Variants in ZNF345 observed in about 807,000 individuals in gnomAD.
ZNF345 encodes zinc finger protein 345.
For synonymous variants in ZNF345, 166 were observed against 187.9 expected (o/e 0.88, Z 0.95); for missense variants, 527 against 589.9 (o/e 0.89, Z 1.10).
chr19:36,874,027 T>G (rs2072825244), intron 2 of ZNF345, among the ~76,000 whole-genome samples: 1 of 152,206 alleles, frequency 6.6e-6, no homozygotes, highest in Non-Finnish European at 1.5e-5. Context: ...GTATGTTGAT[T>G]GTTAGACTTT....
At position 36,877,549 on chromosome 19, in the gene ZNF345, G is replaced by T. The variant is rs1264828637; in HGVS notation, c.719G>T (p.Ser240Ile). Residue 240 changes from serine to isoleucine, a missense_variant, in exon 3 of 3, where the codon AGC (serine) becomes ATC (isoleucine). Physicochemically the swap from Ser to Ile is moderately radical, Grantham distance 142. Transcript: ENST00000420450. ...TGCAAAGCATGTGGAATGGCCTTTA[G>T]CAGTGGTTCGGCTCTTACTCGGCAT... ...YECKACGMAF[S>I]SGSALTRHQR... 6.2e-7 allele frequency: 1 copy of T among 1,614,048 alleles called. No individual in the cohort carries two copies. The highest frequency in any genetic ancestry group is 8.5e-7 in the Non-Finnish European group (1 of 1,180,036).
intron 2 of ZNF345, among the ~76,000 whole-genome samples, chr19:36,856,978 T>C (rs1342581255): frequency 6.6e-6 from 1 of 152,148 alleles, no homozygotes; most frequent in African/African-American, 2.4e-5. Context: ...CAATTAGATA[T>C]AACTACCATC....
At position 36,877,264 on chromosome 19, in the gene ZNF345, C is replaced by A. The variant is rs996804176; in HGVS notation, c.434C>A (p.Pro145His). Residue 145 changes from proline (P) to histidine (H), a missense_variant, in exon 3 of 3, where the codon CCC becomes CAC. Physicochemically the swap from Pro to His is moderately conservative, Grantham distance 77 (BLOSUM62 -2). Coordinates refer to ENST00000420450, the MANE Select transcript of ZNF345 (RefSeq NM_001242472.2). ...HHQRIHTGEK[P>H]YECKECGKAF... Reference sequence around the variant, plus strand: ...CAGAGAATTCATACTGGTGAGAAACCCTATGAGTGTAAGGAATGTGGGAAA... The same window carrying A: ...CAGAGAATTCATACTGGTGAGAAACACTATGAGTGTAAGGAATGTGGGAAA... 6.2e-7 allele frequency: 1 copy of A among 1,613,856 alleles called. No individual in the cohort carries two copies. The highest frequency in any genetic ancestry group is 8.5e-7 in the Non-Finnish European group (1 of 1,179,934).
chr19:36,866,908 T>C (rs2072672834), intron 2 of ZNF345, among the ~76,000 whole-genome samples: 1 of 152,224 alleles, frequency 6.6e-6, no homozygotes, highest in African/African-American at 2.4e-5. Flanking sequence ...ATAACCTTTA[T>C]GACTATATCA....
intron 3 of ZNF345, chr19:36,891,240 TC>T: frequency 5.1e-6 from 2 of 395,922 alleles, no homozygotes; most frequent in South Asian, 6.9e-5. Flanking sequence ...ATAGAACAGA[TC>T]CTCAGAGTCC....
At chr19:36,874,751 C>T (rs826276) in intron 2 of ZNF345, among the ~76,000 whole-genome samples, 40,382 of 152,074 alleles carry the variant, frequency 0.27, 6,793 homozygotes, top group African/African-American at 0.48. Context: ...TGCACTCCAG[C>T]TTAGGCAACA....
At chr19:36,876,192 C>T (rs750735946) in intron 2 of ZNF345, among the ~76,000 whole-genome samples, 4 of 152,178 alleles carry the variant, frequency 2.6e-5, no homozygotes, top group Admixed American at 2.0e-4. Context: ...ACAGATGAAT[C>T]TTCCCTCTCC....
At chr19:36,863,842 C>T (rs1216733370) in intron 2 of ZNF345, among the ~76,000 whole-genome samples, 1 of 152,164 alleles carries the variant, frequency 6.6e-6, no homozygotes, top group Admixed American at 6.5e-5. Context: ...TATTTAGCTC[C>T]CAAGGCATGT....
chr19:36,873,046 A>G (rs553004259), intron 2 of ZNF345, among the ~76,000 whole-genome samples: 27 of 151,432 alleles, frequency 1.8e-4, no homozygotes, highest in African/African-American at 4.4e-4. Flanking sequence ...ATATTTTCCT[A>G]TTTTCCATTT....
intron 2 of ZNF345, among the ~76,000 whole-genome samples, chr19:36,874,491 C>CT (rs1264748986): frequency 9.1e-6 from 1 of 110,394 alleles, no homozygotes; most frequent in African/African-American, 4.3e-5. Context: ...TGAAACTCCA[C>CT]TAAAAAAAAA....
At chr19:36,867,369 G>A (rs8113447) in intron 2 of ZNF345, among the ~76,000 whole-genome samples, 49,118 of 152,006 alleles carry the variant, frequency 0.32, 9,007 homozygotes, top group East Asian at 0.7. Flanking sequence ...ATTTTAAAGT[G>A]TATAATTCAG....
intron 3 of ZNF345, chr19:36,891,298 G>T (rs1376788141): frequency 5.6e-6 from 3 of 534,412 alleles, no homozygotes; most frequent in African/African-American, 2.0e-5. Flanking sequence ...AGATTTCCAG[G>T]CTCTAAACTA....
chr19:36,892,168 C>T (rs551667090), intron 3 of ZNF345: 25 of 1,614,094 alleles, frequency 1.5e-5, no homozygotes, highest in Non-Finnish European at 1.4e-5. Context: ...GGGTTTTTTA[C>T]CAGTGTGAAT....
rs2072894749 is a variant in ZNF345, at chr19:36,877,030, G to A, written c.200G>A (p.Cys67Tyr). ...TDEKLLECKE[C>Y]GKDFSFVSVL... ...GAGAAACTCCTTGAATGTAAGGAAT[G>A]TGGGAAGGATTTTAGTTTTGTATCA... The change falls in exon 3 of 3, where the codon TGT becomes TAT. Residue 67 changes from cysteine (C) to tyrosine (Y), a missense_variant. Transcript: ENST00000420450. 6.2e-7 allele frequency: 1 copy of A among 1,614,058 alleles called. No individual in the cohort carries two copies. The highest frequency in any genetic ancestry group is 1.3e-5 in the African/African-American group (1 of 74,936).
At position 36,877,405 on chromosome 19, in the gene ZNF345, A is replaced by G. The variant is rs780640386; in HGVS notation, c.575A>G (p.His192Arg). 5 of 1,614,208 alleles carry G rather than the reference A, an allele frequency of 3.1e-6. No individual in the cohort carries two copies. In the South Asian group the frequency reaches 5.5e-5, roughly 18 times the overall value. ...SFSFESALIR[H>R]HRIHTGEKPY... Reference sequence around the variant, plus strand: ...AGTTTTGAATCAGCCCTTATTCGGCATCACAGAATTCACACAGGTGAGAAA... The same window carrying G: ...AGTTTTGAATCAGCCCTTATTCGGCGTCACAGAATTCACACAGGTGAGAAA... Residue 192 changes from histidine to arginine, a missense_variant, in exon 3 of 3, where the codon CAT becomes CGT. By Grantham distance (29) the His-to-Arg change is conservative. Coordinates refer to ENST00000420450, the MANE Select transcript of ZNF345 (RefSeq NM_001242472.2).
At chr19:36,868,932 T>C (rs2072720477) in intron 2 of ZNF345, among the ~76,000 whole-genome samples, 1 of 152,260 alleles carries the variant, frequency 6.6e-6, no homozygotes, top group East Asian at 1.9e-4. Context: ...CAAAGGCCAC[T>C]GAAGTGTTAA....
At chr19:36,887,206 C>CA (rs1052450512) in intron 3 of ZNF345, among the ~76,000 whole-genome samples, 15 of 150,878 alleles carry the variant, frequency 9.9e-5, no homozygotes, top group African/African-American at 2.4e-4. Flanking sequence ...CCAACAACAA[C>CA]AAAAAAAACA....
At chr19:36,864,572 A>G (rs2072619923) in intron 2 of ZNF345, among the ~76,000 whole-genome samples, 1 of 152,032 alleles carries the variant, frequency 6.6e-6, no homozygotes. Flanking sequence ...CTAATGGTAG[A>G]GAGTCCGAGG....
intron 2 of ZNF345, among the ~76,000 whole-genome samples, chr19:36,874,639 C>T (rs1010539338): frequency 1.0e-4 from 15 of 150,264 alleles, no homozygotes; most frequent in Non-Finnish European, 1.6e-4. Flanking sequence ...ATTAGCCAGG[C>T]GTGGTGGCAC....
Sources: gnomAD v4.1 joint callset for allele counts (sites outside exome capture counted in the v4.1 genomes callset) on GRCh38, gnomAD v4.1.1 for gene constraint, MANE v1.5 for transcripts, NCBI Gene and HGNC (gene_info 2026-07-23, HGNC 2026-07-21) for gene names.